The following RGS7 variants were observed in gnomAD, a reference collection of about 807,000 sequenced individuals.
The protein encoded by RGS7 is regulator of G-protein signaling 7.
A neutral mutation model predicts 81.1 loss-of-function variants in RGS7; 27 were observed. That is an observed-to-expected ratio of 0.33 (90% CI 0.25 to 0.46). RGS7 has a LOEUF of 0.46. RGS7 is among the 20% of genes least tolerant of loss of function. The pLI, the probability that RGS7 is intolerant of heterozygous loss-of-function variation, is 1.00. For missense variants in RGS7, 396 were observed against 607.4 expected (o/e 0.65, Z 3.66); for synonymous variants, 208 against 207.7 (o/e 1.00, Z -0.01).
At chr1:240,962,747 A>C (rs780895312) in intron 4 of RGS7, among the ~76,000 whole-genome samples, 6 of 152,174 alleles carry the variant, frequency 3.9e-5, no homozygotes, top group Admixed American at 6.5e-5. Context: ...AGGAGTATGA[A>C]GCAAGAGAAG....
intron 2 of RGS7, among the ~76,000 whole-genome samples, chr1:241,297,911 G>C (rs1440962564): frequency 2.6e-5 from 4 of 152,180 alleles, no homozygotes; most frequent in African/African-American, 9.7e-5. Flanking sequence ...GGCACCAAAT[G>C]ACCTGGGCAT....
At chr1:241,011,364 C>T (rs2058947738) in intron 3 of RGS7, among the ~76,000 whole-genome samples, 1 of 152,108 alleles carries the variant, frequency 6.6e-6, no homozygotes. Flanking sequence ...AGTAGAGCAG[C>T]CTCATGAAAG....
intron 2 of RGS7, among the ~76,000 whole-genome samples, chr1:241,331,667 G>A (rs1388273547): frequency 6.6e-6 from 1 of 152,114 alleles, no homozygotes; most frequent in Non-Finnish European, 1.5e-5. Context: ...ATTTCTAACA[G>A]GAGGAATGTA....
chr1:240,804,542 T>TTG (rs1688533528), intron 15 of RGS7, among the ~76,000 whole-genome samples: 1 of 152,136 alleles, frequency 6.6e-6, no homozygotes. Flanking sequence ...ATAGAATTTT[T>TTG]TTTTCTGTAA....
chr1:241,016,458 C>A (rs1242944918), intron 3 of RGS7, among the ~76,000 whole-genome samples: 1 of 151,944 alleles, frequency 6.6e-6, no homozygotes, highest in Non-Finnish European at 1.5e-5. Flanking sequence ...GCGGAGGTTG[C>A]AGTGAGCCAA....
chr1:241,202,839 C>G (rs1380965224), intron 2 of RGS7, among the ~76,000 whole-genome samples: 1 of 151,942 alleles, frequency 6.6e-6, no homozygotes, highest in Non-Finnish European at 1.5e-5. Flanking sequence ...GCTTCTATGA[C>G]CCGCCTTCAG....
At chr1:241,135,465 T>A (rs1380230229) in intron 2 of RGS7, among the ~76,000 whole-genome samples, 2 of 152,110 alleles carry the variant, frequency 1.3e-5, no homozygotes, top group Non-Finnish European at 2.9e-5. Context: ...AGCATGTTGC[T>A]CCACACGGCC....
chr1:241,221,642 C>G (rs565710918), intron 2 of RGS7, among the ~76,000 whole-genome samples: 6 of 152,194 alleles, frequency 3.9e-5, no homozygotes, highest in Admixed American at 6.5e-5. Flanking sequence ...ACATTCACAT[C>G]AGTGGGCTTT....
chr1:241,122,976 G>A (rs1219174829), intron 2 of RGS7, among the ~76,000 whole-genome samples: 2 of 152,138 alleles, frequency 1.3e-5, no homozygotes, highest in African/African-American at 4.8e-5. Flanking sequence ...GTAAACATAG[G>A]TGCTTGATAA....
chr1:241,060,194 T>C (rs1281056985), intron 3 of RGS7, among the ~76,000 whole-genome samples: 5 of 152,278 alleles, frequency 3.3e-5, no homozygotes, highest in Middle Eastern at 3.4e-3. Context: ...AAAAGGCTGA[T>C]AGAGAAAATA....
At chr1:241,154,210 G>A (rs1273055753) in intron 2 of RGS7, among the ~76,000 whole-genome samples, 1 of 152,210 alleles carries the variant, frequency 6.6e-6, no homozygotes, top group African/African-American at 2.4e-5. Context: ...AGACAGGATA[G>A]TGGAGGCTCG....
intron 10 of RGS7, among the ~76,000 whole-genome samples, chr1:240,824,429 CA>C (rs1467286015): frequency 1.3e-5 from 2 of 152,214 alleles, no homozygotes; most frequent in African/African-American, 4.8e-5. Flanking sequence ...GCCGACCACA[CA>C]GCCAGGAGGA....
At chr1:241,129,246 C>T (rs186158401) in intron 2 of RGS7, among the ~76,000 whole-genome samples, 40 of 148,116 alleles carry the variant, frequency 2.7e-4, no homozygotes, top group African/African-American at 9.2e-4. Context: ...GGGATATTGG[C>T]TACTAGAAAC....
At chr1:240,943,500 AG>A (rs1460791735) in intron 4 of RGS7, among the ~76,000 whole-genome samples, 2 of 152,236 alleles carry the variant, frequency 1.3e-5, no homozygotes, top group Admixed American at 6.5e-5. Flanking sequence ...CACATTCAGG[AG>A]CACTTAATCT....
rs60833569 is a variant in RGS7 at position 241,221,039 on chromosome 1, A to AAAAG, written c.79-122281_79-122278dup. Among the ~76,000 whole-genome samples, 259 of 92,764 alleles carry AAAAG rather than the reference A, an allele frequency of 2.8e-3. 6 individuals are homozygous for AAAAG. The highest frequency in any genetic ancestry group is 9.8e-3 in the African/African-American group (248 of 25,288). The allele number at this position is 92,764 out of a possible 152,430, so 60.9% of individuals were successfully genotyped here. On this transcript the variant is annotated intron_variant, in intron 2 of 18. Transcript: ENST00000440928. ...GAAGGAAGGAAGGAAGGAAGGAAGG[A>AAAAG]AAAGAAAGAAAGAAAGAAAGAGAGA...
At chr1:240,862,971 T>C (rs1179133421) in intron 9 of RGS7, among the ~76,000 whole-genome samples, 3 of 151,596 alleles carry the variant, frequency 2.0e-5, no homozygotes, top group African/African-American at 7.3e-5. Context: ...GTGTGTATTT[T>C]AGAGACAGGG....
At chr1:240,924,378 A>G (rs1674075949) in intron 6 of RGS7, among the ~76,000 whole-genome samples, 1 of 152,190 alleles carries the variant, frequency 6.6e-6, no homozygotes, top group Non-Finnish European at 1.5e-5. Context: ...GAAAACCTTC[A>G]CAACATACTG....
intron 4 of RGS7, among the ~76,000 whole-genome samples, chr1:240,973,837 C>A (rs1335076361): frequency 1.3e-5 from 2 of 152,090 alleles, no homozygotes; most frequent in African/African-American, 2.4e-5. Context: ...GCCTCGGCCT[C>A]CCAAAGTGCT....
chr1:240,957,799 G>A (rs746007674), intron 4 of RGS7, among the ~76,000 whole-genome samples: 3 of 152,110 alleles, frequency 2.0e-5, no homozygotes, highest in Non-Finnish European at 2.9e-5. Context: ...GTACTATTTT[G>A]TGATTTTTCT....
Sources: allele counts gnomAD v4.1 joint callset (sites outside exome capture counted in the v4.1 genomes callset), GRCh38; gene constraint gnomAD v4.1.1; transcripts MANE v1.5; gene names NCBI Gene and HGNC (gene_info 2026-07-23, HGNC 2026-07-21).